The following SLC51A variants were observed in gnomAD, a reference collection of about 807,000 sequenced individuals.
SLC51A encodes organic solute transporter subunit alpha.
Under a neutral mutation model 34.8 loss-of-function variants are expected in SLC51A, and 22 were observed. That is an observed-to-expected ratio of 0.63 (90% CI 0.45 to 0.90). The LOEUF (loss-of-function observed/expected upper bound fraction) is 0.90. Ranked by LOEUF, SLC51A falls within the 40% of genes least tolerant of loss-of-function variation. The pLI is 0.00. For synonymous variants in SLC51A, 181 were observed against 176.3 expected (o/e 1.03, Z -0.21); for missense variants, 371 against 414.8 (o/e 0.89, Z 0.92).
chr3:196,225,986 C>T (rs1363811729), intron 2 of SLC51A, among the ~76,000 whole-genome samples: 2 of 152,152 alleles, frequency 1.3e-5, no homozygotes, highest in African/African-American at 4.8e-5. Context: ...CGTCAGGTGT[C>T]CTTGGGGTTT....
intron 2 of SLC51A, among the ~76,000 whole-genome samples, chr3:196,224,429 T>C (rs952631996): frequency 1.3e-5 from 2 of 148,380 alleles, no homozygotes; most frequent in Admixed American, 6.8e-5. Context: ...ACCCGGTGGC[T>C]CACGCCTGTA....
intron 2 of SLC51A, among the ~76,000 whole-genome samples, chr3:196,221,099 C>T (rs1723744563): frequency 6.6e-6 from 1 of 151,432 alleles, no homozygotes; most frequent in East Asian, 1.9e-4. Flanking sequence ...CTCCATGTTG[C>T]CCAGGCTGGT....
In SLC51A at chr3:196,228,391, G is replaced by A. The variant is rs1054691758; in HGVS notation, c.521+118G>A. On this transcript the variant is annotated intron_variant, in intron 5 of 8. Transcript: ENST00000296327. This position sits in a 1 kb window ranked among gnomAD's most constrained non-coding sequence, Gnocchi z 4.9. ...GGCCAAAGCCAGTGACGGAAGGGTG[G>A]GCATCCCACGGCCAGGACCCACGGG... 3.0e-6 allele frequency: 4 copies of A among 1,340,846 alleles called. No individual in the cohort carries two copies. The African/African-American group carries it at 4.4e-5, about 15-fold the overall frequency. The allele number at this position is 1,340,846 out of a possible 1,614,324, so 83.1% of individuals were successfully genotyped here.
In SLC51A at chr3:196,219,057, C is replaced by T. The variant is rs187566320; in HGVS notation, c.133+1121C>T. ...CCTGGCCAACATGGTGAAACCCCGT[C>T]TCTACTGAAAATACAAAAATTAGCC... On this transcript the variant is annotated intron_variant, in intron 2 of 8. Coordinates refer to ENST00000296327, the MANE Select transcript of SLC51A (RefSeq NM_152672.6). Among the ~76,000 whole-genome samples, 713 of 152,212 alleles carry T rather than the reference C, an allele frequency of 4.7e-3. 8 individuals are homozygous for T. Among genetic ancestry groups the T allele is most frequent in the African/African-American group, 0.016 (666 of 41,538 alleles).
rs115139744 is a variant in SLC51A, at chr3:196,231,870, T to G, written c.781-549T>G. Among the ~76,000 whole-genome samples the G allele has an allele frequency of 1.9e-3, 289 of 151,992 alleles. 2 individuals carry two copies. The highest frequency in any genetic ancestry group is 6.7e-3 in the African/African-American group (278 of 41,466). On this transcript the variant is annotated intron_variant, in intron 7 of 8. Coordinates refer to ENST00000296327, the MANE Select transcript of SLC51A (RefSeq NM_152672.6). ...GGTGAAATATTGATAAAATTTGCCATTAATGATTTTGAAGTGTCAGGTTCT... is the reference window on the plus strand; with the variant it reads ...GGTGAAATATTGATAAAATTTGCCAGTAATGATTTTGAAGTGTCAGGTTCT...
intron 2 of SLC51A, among the ~76,000 whole-genome samples, chr3:196,226,132 C>T (rs946395588): frequency 3.3e-5 from 5 of 152,200 alleles, no homozygotes; most frequent in Admixed American, 6.5e-5. Flanking sequence ...GTCTGGGCAA[C>T]GTAGTGAGAC....
chr3:196,221,309 CA>C (rs1203156819), intron 2 of SLC51A, among the ~76,000 whole-genome samples: 1 of 151,526 alleles, frequency 6.6e-6, no homozygotes, highest in East Asian at 1.9e-4. Flanking sequence ...ATGATTGAAT[CA>C]ATTTTTTTTT....
At chr3:196,226,781 AAAAAAAAAGAAAAAG>A in intron 2 of SLC51A, among the ~76,000 whole-genome samples, 169 bp from the exon 3 acceptor site, 1 of 149,844 alleles carries the variant, frequency 6.7e-6, no homozygotes, top group East Asian at 1.9e-4. Context: ...CTTAAAAAAA[AAAAAAAAAGAAAAAG>A]AAAAAAAAAA....
chr3:196,217,016 C>T (rs1275206905), intron 1 of SLC51A, among the ~76,000 whole-genome samples: 2 of 152,246 alleles, frequency 1.3e-5, no homozygotes, highest in Non-Finnish European at 2.9e-5. Context: ...GAGGAAATGG[C>T]AGCATCCCTC....
intron 2 of SLC51A, among the ~76,000 whole-genome samples, chr3:196,225,025 CT>C (rs34324841): frequency 0.044 from 6,134 of 140,378 alleles, 138 homozygotes; most frequent in Non-Finnish European, 0.06. Flanking sequence ...AGGTATTTTC[CT>C]TTTTTTTTTT....
chr3:196,226,773 T>TAAAAAAAAAA (rs780868037), intron 2 of SLC51A, among the ~76,000 whole-genome samples, 192 bp from the exon 3 acceptor site: 39 of 107,558 alleles, frequency 3.6e-4, no homozygotes, highest in African/African-American at 1.3e-3. Context: ...GGCTCCGTCT[T>TAAAAAAAAAA]AAAAAAAAAA....
intron 1 of SLC51A, 40 bp from the exon 2 acceptor site, chr3:196,217,802 C>T (rs767487477): frequency 6.3e-7 from 1 of 1,588,258 alleles, no homozygotes; most frequent in South Asian, 1.1e-5. Context: ...CCCCTTCCCC[C>T]AGCCCCCATG....
At chr3:196,226,703 G>T (rs773029781) in intron 2 of SLC51A, 9 of 248,170 alleles carry the variant, frequency 3.6e-5, no homozygotes, top group Non-Finnish European at 5.2e-5. Context: ...AAACCCAGGA[G>T]ATGGAGGTTG....
intron 2 of SLC51A, among the ~76,000 whole-genome samples, chr3:196,223,599 G>A (rs1723818986): frequency 6.6e-6 from 1 of 151,622 alleles, no homozygotes; most frequent in South Asian, 2.1e-4. Context: ...TCTAGCAATG[G>A]CCCCCGCTTC....
chr3:196,219,981 G>A (rs1040558359), intron 2 of SLC51A, among the ~76,000 whole-genome samples: 5 of 152,126 alleles, frequency 3.3e-5, no homozygotes, highest in Admixed American at 1.3e-4. Context: ...AGCAAGCCTC[G>A]CCGCAGGCAG....
chr3:196,227,861 G>A, intron 4 of SLC51A, 124 bp downstream of exon 4: 1 of 1,009,672 alleles, frequency 9.9e-7, no homozygotes, highest in Non-Finnish European at 1.4e-6. Flanking sequence ...CTAGTTCCGG[G>A]CTCTTGCGCT....
intron 6 of SLC51A, among the ~76,000 whole-genome samples, chr3:196,229,589 CTGGTCT>C (rs1268104143): frequency 6.6e-6 from 1 of 151,096 alleles, no homozygotes; most frequent in Non-Finnish European, 1.5e-5. Flanking sequence ...GTTGGTCAGG[CTGGTCT>C]TGAACACCTG....
chr3:196,223,308 C>T (rs536262236), intron 2 of SLC51A, among the ~76,000 whole-genome samples: 9 of 152,000 alleles, frequency 5.9e-5, no homozygotes, highest in South Asian at 4.2e-4. Context: ...CTCCTCCGGG[C>T]GTTTGAGAAC....
chr3:196,232,582 AAAG>A, intron 8 of SLC51A, 58 bp downstream of exon 8: 1 of 1,416,310 alleles, frequency 7.1e-7, no homozygotes, highest in Non-Finnish European at 1.0e-6. Context: ...GAGAGTCAGG[AAAG>A]AAGGGGCCCC....
Sources: gnomAD v4.1 joint callset for allele counts (sites outside exome capture counted in the v4.1 genomes callset) on GRCh38, gnomAD v4.1.1 for gene constraint, Gnocchi (gnomAD v3.1) non-coding constraint, MANE v1.5 for transcripts, NCBI Gene and HGNC (gene_info 2026-07-23, HGNC 2026-07-21) for gene names.